Variants in TIAM2 observed in about 807,000 individuals in gnomAD.
TIAM2 encodes the protein rho guanine nucleotide exchange factor TIAM2.
TIAM2 carries 80 observed loss-of-function variants against 152.9 expected under a neutral mutation model. That is an observed-to-expected ratio of 0.52 (90% CI 0.44 to 0.63). TIAM2 has a LOEUF of 0.63. TIAM2 is among the 30% of genes least tolerant of loss of function. TIAM2 has a pLI of 0.00. For synonymous variants in TIAM2, 804 were observed against 838.0 expected (o/e 0.96, Z 0.70); for missense variants, 1,965 against 2,120.1 (o/e 0.93, Z 1.44).
At chr6:155,195,327 G>T (rs998461950) in intron 14 of TIAM2, among the ~76,000 whole-genome samples, 2 of 152,226 alleles carry the variant, frequency 1.3e-5, no homozygotes, top group African/African-American at 4.8e-5. Context: ...TCCATGACAT[G>T]AGATTTGCAT....
chr6:154,996,034 C>T (rs979666825), intron 1 of TIAM2, among the ~76,000 whole-genome samples: 2 of 152,160 alleles, frequency 1.3e-5, no homozygotes, highest in African/African-American at 2.4e-5. Flanking sequence ...CCGGCCTTTC[C>T]GAGCGCGGGA....
chr6:155,249,591 AGTT>A (rs1050754130), intron 20 of TIAM2, among the ~76,000 whole-genome samples: 2 of 152,216 alleles, frequency 1.3e-5, no homozygotes, highest in African/African-American at 4.8e-5. Context: ...CAGAAATGTC[AGTT>A]GTTGTTATTA....
Position 155,035,786 on chromosome 6 carries a change from G to A in TIAM2, c.-209+40294G>A, listed in dbSNP as rs372517314. ...TTCTCATTAATACAAACGATTACTC[G>A]GTAGATGGTAATTAATTCTGGGACA... is the stretch of plus-strand genomic sequence containing the variant. On this transcript the variant is annotated intron_variant, in intron 1 of 26. Transcript: ENST00000682666. Among the ~76,000 whole-genome samples the A allele has an allele frequency of 1.8e-4, 28 of 152,248 alleles. No homozygotes were observed. The East Asian group carries it at 5.0e-3, about 27-fold the overall frequency.
At position 155,109,232 on chromosome 6, in the gene TIAM2, C is replaced by T. The variant is rs969678333; in HGVS notation, c.-117-18258C>T. Among the ~76,000 whole-genome samples, 6 of 152,292 alleles carry T rather than the reference C, an allele frequency of 3.9e-5. No homozygotes were observed. The South Asian group carries it at 1.0e-3, about 26-fold the overall frequency. On this transcript the variant is annotated intron_variant, in intron 2 of 26. Transcript: ENST00000682666. ...ATCTCCTGACGTCATGATCCGCCCG[C>T]CTCGGCCTCCCAAAGTGCTGGGATT...
intron 2 of TIAM2, among the ~76,000 whole-genome samples, chr6:155,117,576 G>A (rs1265260850): frequency 3.9e-5 from 6 of 152,146 alleles, no homozygotes. Context: ...CCGAGTAGCT[G>A]GAACTACAGT....
chr6:155,183,168 C>T lies in TIAM2; in HGVS notation c.2801-69C>T, dbSNP rs1170397065. The T allele has an allele frequency of 9.0e-6, 14 of 1,556,062 alleles. No individual in the cohort carries two copies. The East Asian group carries it at 2.9e-4, about 33-fold the overall frequency. On this transcript the variant is annotated intron_variant, in intron 13 of 26. Transcript: ENST00000682666. The stretch of plus-strand genomic sequence containing the variant: ...GTACATGGTTTGAGTTTGCAGCCTT[C>T]TTTCATCTGAAAATATTTCTCACAG...
At chr6:155,114,028 A>T (rs1778930461) in intron 2 of TIAM2, among the ~76,000 whole-genome samples, 1 of 42,606 alleles carries the variant, frequency 2.3e-5, no homozygotes, top group African/African-American at 9.7e-5. Context: ...ATATATATAT[A>T]TATATATATT....
At chr6:155,224,048 G>A (rs551411549) in intron 15 of TIAM2, among the ~76,000 whole-genome samples, 1 of 152,198 alleles carries the variant, frequency 6.6e-6, no homozygotes, top group East Asian at 1.9e-4. Flanking sequence ...CTTCACCGAG[G>A]CCTGCTCAGA....
chr6:155,070,217 T>C (rs1460762984), intron 1 of TIAM2, among the ~76,000 whole-genome samples: 35 of 119,510 alleles, frequency 2.9e-4, no homozygotes, highest in Middle Eastern at 3.8e-3. Flanking sequence ...GACTTTTTTT[T>C]TTTTTTTTTT....
At chr6:155,021,694 C>T (rs1017778652) in intron 1 of TIAM2, among the ~76,000 whole-genome samples, 1 of 152,128 alleles carries the variant, frequency 6.6e-6, no homozygotes, top group Non-Finnish European at 1.5e-5. Flanking sequence ...GTTTTTTGAA[C>T]CATCCCCTCA....
chr6:155,251,903 T>C, intron 22 of TIAM2, 42 bp from the exon 23 acceptor site: 1 of 1,504,658 alleles, frequency 6.6e-7, no homozygotes, highest in Non-Finnish European at 9.2e-7. Flanking sequence ...TTGGAAGAGT[T>C]TGCATAAAAT....
chr6:155,026,291 C>T (rs1271779299), intron 1 of TIAM2, among the ~76,000 whole-genome samples: 1 of 152,154 alleles, frequency 6.6e-6, no homozygotes, highest in East Asian at 1.9e-4. Context: ...TGTTCAAAAT[C>T]TCTGTTGATT....
At position 155,195,798 on chromosome 6, in the gene TIAM2, A is replaced by G. The variant is rs1583242940; in HGVS notation, c.3064+12298A>G. ...TCAGGGATGGGGCCACGTGGCCGTC[A>G]GGGGGCAAAGCCTTCTAGGCTGAGG... On this transcript the variant is annotated intron_variant, in intron 14 of 26. Coordinates refer to ENST00000682666, the MANE Select transcript of TIAM2 (RefSeq NM_012454.4). 2.0e-5 allele frequency among the ~76,000 whole-genome samples: 3 copies of G among 152,198 alleles called. No homozygotes were observed. In the South Asian group the frequency reaches 6.2e-4, roughly 32 times the overall value.
chr6:155,047,639 CAG>C (rs1377538124), intron 1 of TIAM2, among the ~76,000 whole-genome samples: 1 of 130,776 alleles, frequency 7.6e-6, no homozygotes, highest in African/African-American at 3.0e-5. Context: ...CCTTCTAAGG[CAG>C]GGGTGGGGGG....
At chr6:155,028,228 A>G (rs1776665335) in intron 1 of TIAM2, among the ~76,000 whole-genome samples, 1 of 130,428 alleles carries the variant, frequency 7.7e-6, no homozygotes, top group Non-Finnish European at 1.6e-5. Flanking sequence ...TTACATATAT[A>G]CTACATATAA....
At chr6:155,092,636 A>G (rs1778330878) in intron 2 of TIAM2, among the ~76,000 whole-genome samples, 1 of 152,026 alleles carries the variant, frequency 6.6e-6, no homozygotes, top group African/African-American at 2.4e-5. Context: ...CAGGCGGATC[A>G]CCTGAGGTCG....
intron 14 of TIAM2, 30 bp downstream of exon 14, chr6:155,183,530 C>T (rs572786108): frequency 7.6e-6 from 12 of 1,569,564 alleles, no homozygotes; most frequent in Non-Finnish European, 8.6e-6. Flanking sequence ...TCCTTCTTAA[C>T]TGCTGGTATC....
chr6:155,165,481 A>G, intron 9 of TIAM2, 72 bp downstream of exon 9: 1 of 1,542,000 alleles, frequency 6.5e-7, no homozygotes, highest in Non-Finnish European at 8.7e-7. Context: ...GCCTGCTATG[A>G]ATCATCAATG....
intron 1 of TIAM2, among the ~76,000 whole-genome samples, chr6:155,047,326 C>T (rs1234504393): frequency 1.3e-5 from 2 of 152,040 alleles, no homozygotes; most frequent in East Asian, 1.9e-4. Context: ...TTACAGGCTG[C>T]GCGCCACCAC....
Sources: gnomAD v4.1 joint callset for allele counts (sites outside exome capture counted in the v4.1 genomes callset) on GRCh38, gnomAD v4.1.1 for gene constraint, MANE v1.5 for transcripts, NCBI Gene and HGNC (gene_info 2026-07-23, HGNC 2026-07-21) for gene names.